ST6GALNAC3: variants seen among roughly 807,000 people sequenced by gnomAD.
ST6GALNAC3 encodes the protein ST6 N-acetylgalactosaminide alpha-2,6-sialyltransferase 3.
In ST6GALNAC3, 25 loss-of-function variants were observed where a neutral mutation model predicts 32.7. That is an observed-to-expected ratio of 0.76 (90% CI 0.56 to 1.07). ST6GALNAC3 has a LOEUF of 1.07. ST6GALNAC3 is among the 50% of genes least tolerant of loss of function. The pLI, the probability that ST6GALNAC3 is intolerant of heterozygous loss-of-function variation, is 0.00. For missense variants in ST6GALNAC3, 355 were observed against 382.4 expected, an observed-to-expected ratio of 0.93 and a Z score of 0.60; for synonymous variants, 129 against 133.1, an observed-to-expected ratio of 0.97 and a Z score of 0.21.
chr1:76,452,834 G>A (rs1657506859), intron 3 of ST6GALNAC3, among the ~76,000 whole-genome samples: 1 of 152,026 alleles, frequency 6.6e-6, no homozygotes, highest in South Asian at 2.1e-4. Flanking sequence ...CTATCTTATG[G>A]CATAGTGTCA....
chr1:76,597,999 C>G (rs913773421), intron 3 of ST6GALNAC3, among the ~76,000 whole-genome samples: 4 of 152,092 alleles, frequency 2.6e-5, no homozygotes, highest in Non-Finnish European at 5.9e-5. Context: ...GTCCTAAACA[C>G]CAAAAGTTTA....
At chr1:76,614,248 G>A (rs990703398) in intron 3 of ST6GALNAC3, among the ~76,000 whole-genome samples, 2 of 152,114 alleles carry the variant, frequency 1.3e-5, no homozygotes, top group African/African-American at 2.4e-5. Context: ...TTTTCCTAAA[G>A]AGACAAATTT....
At chr1:76,139,139 A>G (rs1204522898) in intron 1 of ST6GALNAC3, among the ~76,000 whole-genome samples, 2 of 151,726 alleles carry the variant, frequency 1.3e-5, no homozygotes, top group African/African-American at 2.4e-5. Flanking sequence ...GCTTGCTGTG[A>G]GCCGAGATCG....
chr1:76,453,468 A>G (rs1234763533), intron 3 of ST6GALNAC3, among the ~76,000 whole-genome samples: 1 of 152,046 alleles, frequency 6.6e-6, no homozygotes, highest in African/African-American at 2.4e-5. Context: ...AGGTTTTGAT[A>G]GGTTTTGGCA....
chr1:76,172,781 G>A (rs1379035850), intron 1 of ST6GALNAC3, among the ~76,000 whole-genome samples: 1 of 152,220 alleles, frequency 6.6e-6, no homozygotes, highest in East Asian at 1.9e-4. Context: ...ACTAACAAGG[G>A]ATGTGAAGAC....
intron 2 of ST6GALNAC3, among the ~76,000 whole-genome samples, chr1:76,336,983 C>A (rs554669012): frequency 6.6e-6 from 1 of 152,326 alleles, no homozygotes; most frequent in African/African-American, 2.4e-5. Context: ...TGACATATTG[C>A]GCTGCCAGAG....
At chr1:76,484,035 T>C (rs1266702744) in intron 3 of ST6GALNAC3, among the ~76,000 whole-genome samples, 1 of 152,172 alleles carries the variant, frequency 6.6e-6, no homozygotes, top group African/African-American at 2.4e-5. Context: ...TGGTTGTAAA[T>C]GTGTGGTATT....
intron 2 of ST6GALNAC3, among the ~76,000 whole-genome samples, chr1:76,322,852 A>G (rs1646995439): frequency 6.8e-6 from 1 of 147,290 alleles, no homozygotes; most frequent in South Asian, 2.1e-4. Flanking sequence ...TTATTTATTC[A>G]TTTATTGACA....
chr1:76,489,195 A>C (rs944775896), intron 3 of ST6GALNAC3, among the ~76,000 whole-genome samples: 1 of 152,180 alleles, frequency 6.6e-6, no homozygotes, highest in African/African-American at 2.4e-5. Flanking sequence ...TCAAGATTGC[A>C]GGTATTTGAG....
intron 3 of ST6GALNAC3, among the ~76,000 whole-genome samples, chr1:76,589,832 C>T (rs1351104875): frequency 6.6e-6 from 1 of 151,822 alleles, no homozygotes; most frequent in East Asian, 2.0e-4. Context: ...TTCCTTGATA[C>T]CCAGCACCCC....
chr1:76,324,549 G>A (rs1647030856), intron 2 of ST6GALNAC3, among the ~76,000 whole-genome samples: 1 of 152,106 alleles, frequency 6.6e-6, no homozygotes, highest in East Asian at 1.9e-4. Context: ...AATAAATATT[G>A]GGGGCCGTTC....
chr1:76,589,972 C>A (rs1647022389), intron 3 of ST6GALNAC3, among the ~76,000 whole-genome samples: 1 of 152,018 alleles, frequency 6.6e-6, no homozygotes, highest in African/African-American at 2.4e-5. Context: ...TTCAGCGTCA[C>A]CTTCTCTTTC....
intron 2 of ST6GALNAC3, among the ~76,000 whole-genome samples, chr1:76,346,447 T>C (rs939600635): frequency 6.6e-6 from 1 of 152,182 alleles, no homozygotes; most frequent in African/African-American, 2.4e-5. Flanking sequence ...CTTTCTGTGC[T>C]CAGTCAAGAT....
intron 1 of ST6GALNAC3, among the ~76,000 whole-genome samples, chr1:76,306,688 G>GTT (rs1557771685): frequency 1.5e-5 from 2 of 134,420 alleles, no homozygotes; most frequent in African/African-American, 5.4e-5. Flanking sequence ...TTGGGGGGCG[G>GTT]GGGGTGCAGA....
intron 2 of ST6GALNAC3, among the ~76,000 whole-genome samples, chr1:76,316,456 G>T (rs1310273701): frequency 2.0e-5 from 3 of 152,074 alleles, no homozygotes; most frequent in African/African-American, 7.2e-5. Flanking sequence ...TGGCGATGAA[G>T]AAACTGCAAG....
chr1:76,421,206 G>A (rs947383832), intron 3 of ST6GALNAC3, among the ~76,000 whole-genome samples: 1 of 151,974 alleles, frequency 6.6e-6, no homozygotes, highest in African/African-American at 2.4e-5. Context: ...AACAAGAAGG[G>A]TCACAGCAAT....
At chr1:76,334,512 G>A (rs973386989) in intron 2 of ST6GALNAC3, among the ~76,000 whole-genome samples, 4 of 152,224 alleles carry the variant, frequency 2.6e-5, no homozygotes, top group Admixed American at 6.5e-5. Flanking sequence ...AAGATACCAT[G>A]TTAGAAGTAC....
intron 3 of ST6GALNAC3, among the ~76,000 whole-genome samples, chr1:76,560,616 A>G (rs1665192423): frequency 6.6e-6 from 1 of 152,212 alleles, no homozygotes; most frequent in African/African-American, 2.4e-5. Flanking sequence ...AAAAGTGAAA[A>G]TCAAAACTAC....
chr1:76,437,777 T>C (rs1470426259), intron 3 of ST6GALNAC3, among the ~76,000 whole-genome samples: 1 of 151,940 alleles, frequency 6.6e-6, no homozygotes, highest in East Asian at 1.9e-4. Context: ...GGTTTCACCA[T>C]GTTGGCCAGG....
Sources: gnomAD v4.1 joint callset for allele counts (sites outside exome capture counted in the v4.1 genomes callset) on GRCh38, gnomAD v4.1.1 for gene constraint, MANE v1.5 for transcripts, NCBI Gene and HGNC (gene_info 2026-07-23, HGNC 2026-07-21) for gene names.